ARHGEF38: variants seen among roughly 807,000 people sequenced by gnomAD.
ARHGEF38 encodes Rho guanine nucleotide exchange factor 38, also known as Rho guanine nucleotide exchange factor (GEF) 38.
Under a neutral mutation model 79.9 loss-of-function variants are expected in ARHGEF38, and 79 were observed. That is an observed-to-expected ratio of 0.99 (90% CI 0.82 to 1.19). ARHGEF38 has a LOEUF of 1.19. ARHGEF38 is among the 50% of genes most tolerant of loss of function. The probability of loss-of-function intolerance (pLI) is 0.00; values close to 1 mark genes in which losing one functional copy is unlikely to be tolerated. For missense variants in ARHGEF38, 962 were observed against 907.2 expected (o/e 1.06, Z -0.78); for synonymous variants, 366 against 328.3 (o/e 1.11, Z -1.24).
intron 10 of ARHGEF38, among the ~76,000 whole-genome samples, chr4:105,661,381 C>T (rs995559652): frequency 1.3e-5 from 2 of 151,674 alleles, no homozygotes; most frequent in African/African-American, 4.8e-5. Context: ...TATGTTTAAC[C>T]TTTTGAAAAA....
intron 1 of ARHGEF38, among the ~76,000 whole-genome samples, chr4:105,585,834 T>A (rs1727017415): frequency 6.9e-6 from 1 of 145,830 alleles, no homozygotes. Flanking sequence ...TGGGTTCAAG[T>A]GATTCTCCTG....
intron 13 of ARHGEF38, among the ~76,000 whole-genome samples, chr4:105,673,412 T>C (rs1481288792): frequency 6.6e-6 from 1 of 152,204 alleles, no homozygotes; most frequent in African/African-American, 2.4e-5. Context: ...ATAAGTAATA[T>C]TGAAAATATA....
At chr4:105,584,611 A>G (rs2110446371) in intron 1 of ARHGEF38, among the ~76,000 whole-genome samples, 1 of 152,302 alleles carries the variant, frequency 6.6e-6, no homozygotes, top group South Asian at 2.1e-4. Context: ...AACCTCTACT[A>G]TATCTACATC....
At chr4:105,672,561 T>C (rs548988690) in intron 13 of ARHGEF38, among the ~76,000 whole-genome samples, 2 of 152,354 alleles carry the variant, frequency 1.3e-5, no homozygotes, top group South Asian at 2.1e-4. Context: ...CTTTTGTCCA[T>C]CAAATAGTAA....
intron 1 of ARHGEF38, among the ~76,000 whole-genome samples, chr4:105,575,122 A>C (rs1305739420): frequency 1.3e-5 from 2 of 152,200 alleles, no homozygotes. Flanking sequence ...TGCAATAAAC[A>C]TACAAGTACA....
At chr4:105,603,890 T>C (rs2110479072) in intron 2 of ARHGEF38, among the ~76,000 whole-genome samples, 1 of 152,324 alleles carries the variant, frequency 6.6e-6, no homozygotes, top group Admixed American at 6.5e-5. Context: ...AAGTTCTGCA[T>C]ATGGCAAACC....
At chr4:105,581,086 C>T (rs1328837773) in intron 1 of ARHGEF38, among the ~76,000 whole-genome samples, 1 of 152,148 alleles carries the variant, frequency 6.6e-6, no homozygotes, top group Non-Finnish European at 1.5e-5. Flanking sequence ...CTCACCCCAC[C>T]TGCAGGAGTA....
chr4:105,675,674 A>C (rs1368045113), intron 13 of ARHGEF38, among the ~76,000 whole-genome samples: 2 of 152,174 alleles, frequency 1.3e-5, no homozygotes, highest in East Asian at 3.9e-4. Context: ...AAACACCATA[A>C]ACTGGTTGGC....
chr4:105,634,462 T>C (rs1048041359), intron 4 of ARHGEF38, among the ~76,000 whole-genome samples: 5 of 152,164 alleles, frequency 3.3e-5, no homozygotes, highest in African/African-American at 1.2e-4. Context: ...TGTATTAAAA[T>C]AGTCTCCAAA....
intron 1 of ARHGEF38, among the ~76,000 whole-genome samples, chr4:105,584,452 T>A (rs1306826641): frequency 6.6e-6 from 1 of 152,218 alleles, no homozygotes; most frequent in African/African-American, 2.4e-5. Flanking sequence ...CGAAATCACT[T>A]TATAAGGCTT....
rs184138604 is a variant in ARHGEF38 at position 105,620,445 on chromosome 4, C to G, written c.508+6938C>G. ...CAAAATTATGTGTACAGAATGATAG[C>G]CCAGTGCCTATCCCTAATTAATATC... On this transcript the variant is annotated intron_variant, in intron 3 of 13. Coordinates refer to ENST00000420470, the MANE Select transcript of ARHGEF38 (RefSeq NM_001242729.2). 5.9e-3 allele frequency among the ~76,000 whole-genome samples: 895 copies of G among 152,232 alleles called. 10 individuals carry two copies. Among genetic ancestry groups the G allele is most frequent in the African/African-American group, 0.021 (866 of 41,536 alleles).
intron 1 of ARHGEF38, among the ~76,000 whole-genome samples, chr4:105,579,808 A>G (rs1188782157): frequency 6.6e-6 from 1 of 152,126 alleles, no homozygotes; most frequent in Admixed American, 6.5e-5. Flanking sequence ...TAGGAATAAT[A>G]TCAGCTTTTA....
chr4:105,632,179 A>T (rs1041558178), intron 4 of ARHGEF38, among the ~76,000 whole-genome samples: 4 of 152,050 alleles, frequency 2.6e-5, no homozygotes, highest in African/African-American at 4.8e-5. Context: ...TTTTTTTTTT[A>T]AATAAATAAA....
intron 6 of ARHGEF38, among the ~76,000 whole-genome samples, chr4:105,646,524 T>C (rs1038021319): frequency 1.3e-5 from 2 of 152,072 alleles, no homozygotes; most frequent in African/African-American, 4.8e-5. Flanking sequence ...AATCTACAGG[T>C]GAGAATGTAC....
chr4:105,626,157 A>G (rs893917152), intron 3 of ARHGEF38, among the ~76,000 whole-genome samples: 2 of 152,190 alleles, frequency 1.3e-5, no homozygotes, highest in Non-Finnish European at 2.9e-5. Flanking sequence ...AATATACAAT[A>G]AGCAACTCAA....
At position 105,659,361 on chromosome 4, in the gene ARHGEF38, T is replaced by C; in HGVS notation, c.1541T>C (p.Val514Ala). The change falls in exon 10 of 14, where the codon GTG (valine) becomes GCG (alanine). Residue 514 changes from valine (V) to alanine (A), a missense_variant. Transcript: ENST00000420470. ...GCACAGCAGGCTTACTCCACACTTG[T>C]GCCGGTAAGCACAGCACCAACACCT... ...LVAQQAYSTL[V>A]PMPLLVSSIS... is the part of the protein sequence containing the mutation. 1.3e-6 allele frequency: 2 copies of C among 1,533,748 alleles called. No homozygotes were observed. Among genetic ancestry groups the C allele is most frequent in the South Asian group, 1.2e-5 (1 of 83,808 alleles).
chr4:105,579,139 A>G (rs1399126048), intron 1 of ARHGEF38, among the ~76,000 whole-genome samples: 2 of 152,136 alleles, frequency 1.3e-5, no homozygotes, highest in Non-Finnish European at 2.9e-5. Flanking sequence ...CAACTGAAGG[A>G]GTACCAGGAC....
intron 8 of ARHGEF38, 70 bp from the exon 9 acceptor site, chr4:105,655,533 A>G: frequency 6.8e-7 from 1 of 1,468,848 alleles, no homozygotes; most frequent in East Asian, 2.5e-5. Flanking sequence ...GATGAAGTCC[A>G]CATTTGGGAT....
chr4:105,592,161 C>T (rs1727372129), intron 2 of ARHGEF38, among the ~76,000 whole-genome samples: 1 of 152,132 alleles, frequency 6.6e-6, no homozygotes, highest in African/African-American at 2.4e-5. Context: ...CTCTCGCTCT[C>T]CTCCTTAATT....
Sources: gnomAD v4.1 joint callset for allele counts (sites outside exome capture counted in the v4.1 genomes callset) on GRCh38, gnomAD v4.1.1 for gene constraint, MANE v1.5 for transcripts, NCBI Gene and HGNC (gene_info 2026-07-23, HGNC 2026-07-21) for gene names.